The following LIG3 variants were observed in gnomAD, a reference collection of about 807,000 sequenced individuals.
LIG3 encodes ligase II, DNA, ATP-dependent.
In LIG3, 58 loss-of-function variants were observed where a neutral mutation model predicts 110.9. That is an observed-to-expected ratio of 0.52 (90% CI 0.42 to 0.65). LIG3 has a LOEUF of 0.65. Among genes scored for constraint, LIG3 ranks in the 30% least tolerant of loss-of-function variants. The probability of loss-of-function intolerance (pLI) is 0.00; values close to 1 mark genes in which losing one functional copy is unlikely to be tolerated. For synonymous variants in LIG3, 422 were observed against 472.8 expected (o/e 0.89, Z 1.39); for missense variants, 1,094 against 1,273.8 (o/e 0.86, Z 2.15).
chr17:34,990,237 C>T (rs944520827), intron 4 of LIG3, among the ~76,000 whole-genome samples: 17 of 152,150 alleles, frequency 1.1e-4, no homozygotes, highest in African/African-American at 3.4e-4. Context: ...GCATGGGCAG[C>T]GATATATAGA....
Position 34,996,105 on chromosome 17 carries a change from G to A in LIG3, c.1653G>A (p.Gly551=). 1 of 1,614,108 alleles carries A rather than the reference G, an allele frequency of 6.2e-7. No homozygotes were observed. The highest frequency in any genetic ancestry group is 8.5e-7 in the Non-Finnish European group (1 of 1,180,002). ...ACTACATTCCCCAGGCTTTTCCTGGGGGCCACAGCATGATCTTGGATTCTG... is the reference window on the plus strand; with the variant it reads ...ACTACATTCCCCAGGCTTTTCCTGGAGGCCACAGCATGATCTTGGATTCTG... ...FKDYIPQAFP[G]GHSMILDSEV... Residue 551 remains glycine, a synonymous_variant, in exon 10 of 20, where the codon GGG becomes GGA. Coordinates refer to ENST00000378526, the MANE Select transcript of LIG3 (RefSeq NM_013975.4).
intron 5 of LIG3, 144 bp from the exon 6 acceptor site, chr17:34,991,527 T>C (rs1347688998): frequency 2.7e-6 from 2 of 743,884 alleles, no homozygotes; most frequent in East Asian, 2.6e-5. Flanking sequence ...GATGGGCTAG[T>C]GTCTCTAAGA....
At chr17:34,999,252 G>A in intron 14 of LIG3, 55 bp from the exon 15 acceptor site, 2 of 1,566,228 alleles carry the variant, frequency 1.3e-6, no homozygotes, top group Non-Finnish European at 1.7e-6. Context: ...CTGGGCTCTT[G>A]GGACTGGCAG....
Position 35,004,432 on chromosome 17 carries a change from C to G in LIG3, c.2956C>G (p.Pro986Ala). Residue 986 changes from proline to alanine, a missense_variant, in exon 20 of 20, where the codon CCT becomes GCT. Physicochemically the swap from Pro to Ala is conservative, Grantham distance 27 (BLOSUM62 -1). Coordinates refer to ENST00000378526, the MANE Select transcript of LIG3 (RefSeq NM_013975.4). ...THVLGSRDKN[P>A]AAQQVSPEWI... is the part of the protein sequence containing the mutation. The stretch of plus-strand genomic sequence containing the variant: ...CGTGCTGGGTAGCAGGGACAAGAAC[C>G]CTGCGGCCCAGCAGGTCTCCCCAGA... 1.9e-6 allele frequency: 3 copies of G among 1,614,162 alleles called. No homozygotes were observed. The highest frequency in any genetic ancestry group is 2.5e-6 in the Non-Finnish European group (3 of 1,180,032).
At chr17:35,010,068 TG>T (rs2090926511), downstream of LIG3, 3 of 152,176 alleles carry the variant, frequency 2.0e-5, no homozygotes, top group South Asian at 6.2e-4. Flanking sequence ...AGTGGCCCAG[TG>T]TTCAGTTGAC....
At chr17:35,001,511 C>T in intron 17 of LIG3, 108 bp downstream of exon 17, 1 of 1,204,934 alleles carries the variant, frequency 8.3e-7, no homozygotes, top group South Asian at 1.4e-5. Flanking sequence ...TTCCCCCATT[C>T]TCCTGAGGCA....
intron 19 of LIG3, chr17:35,003,202 C>T (rs973748283): frequency 1.3e-5 from 20 of 1,483,828 alleles, no homozygotes; most frequent in Middle Eastern, 1.9e-4. Flanking sequence ...AGCAGCGAGT[C>T]GGGGAGAGGG....
At chr17:34,991,925 C>T (rs2090725583) in intron 6 of LIG3, 33 bp from the exon 7 acceptor site, 1 of 1,613,690 alleles carries the variant, frequency 6.2e-7, no homozygotes, top group African/African-American at 1.3e-5. Flanking sequence ...CAGAGCTCTT[C>T]AAGACCAAGT....
intron 5 of LIG3, 104 bp downstream of exon 5, chr17:34,991,218 T>TCAGTTTCC: frequency 8.8e-7 from 1 of 1,135,810 alleles, no homozygotes; most frequent in Non-Finnish European, 1.3e-6. Context: ...ACATACTGTT[T>TCAGTTTCC]TAGGAAACTG....
In LIG3 at chr17:35,007,421, CCAG is replaced by C. The variant is rs1357287053; in HGVS notation, c.*2919_*2921del. Reference sequence around the variant, plus strand: ...CTCAACATCATCATCATAAATCTCTCCAGCAGAATGCTGGAGGCCTCCCTCTTC... The same window carrying C: ...CTCAACATCATCATCATAAATCTCTCCAGAATGCTGGAGGCCTCCCTCTTC... On this transcript the variant is annotated 3_prime_UTR_variant, in exon 20 of 20. Transcript: ENST00000378526. 1 of 152,260 alleles carries C rather than the reference CCAG, an allele frequency of 6.6e-6. No homozygotes were observed. The highest frequency in any genetic ancestry group is 1.5e-5 in the Non-Finnish European group (1 of 68,082). 9.4% of individuals were successfully genotyped at this position (152,260 alleles called of 1,614,324 possible).
In LIG3 at chr17:34,991,109, G is replaced by C; in HGVS notation, c.1036G>C (p.Glu346Gln). 6.2e-7 allele frequency: 1 copy of C among 1,614,108 alleles called. No individual in the cohort carries two copies. The highest frequency in any genetic ancestry group is 1.1e-5 in the South Asian group (1 of 91,076). The change falls in exon 5 of 20, where the codon GAG becomes CAG. Residue 346 changes from glutamate to glutamine, a missense_variant. Coordinates refer to ENST00000378526, the MANE Select transcript of LIG3 (RefSeq NM_013975.4). ...CNPDDMARDLEQGDVSETIRV... is the reference protein window; with the variant it reads ...CNPDDMARDLQQGDVSETIRV... Reference sequence around the variant, plus strand: ...CCCAGATGATATGGCACGGGACCTAGAGCAGGTCAGAGGAACGGGAGGGAG... The same window carrying C: ...CCCAGATGATATGGCACGGGACCTACAGCAGGTCAGAGGAACGGGAGGGAG...
At chr17:34,983,914 A>G (rs750943858) in intron 2 of LIG3, among the ~76,000 whole-genome samples, 31 of 152,274 alleles carry the variant, frequency 2.0e-4, no homozygotes, top group Middle Eastern at 3.4e-3. Context: ...ATTTTACTCT[A>G]TTTGCTTTAT....
chr17:34,994,201 T>C, intron 8 of LIG3, 75 bp from the exon 9 acceptor site: 1 of 1,461,564 alleles, frequency 6.8e-7, no homozygotes, highest in Non-Finnish European at 9.3e-7. Flanking sequence ...ACTAACCCAG[T>C]TGCAAGGTCT....
At position 35,009,716 on chromosome 17, in the gene LIG3, C is replaced by G. The variant is rs373138355; in HGVS notation, c.*5210C>G. ...TTTTAATTCTTACTGAGGTTACTAA[C>G]CAGCTATCAGTATATTATTTTCGAT... On this transcript the variant is annotated 3_prime_UTR_variant, in exon 20 of 20. Coordinates refer to ENST00000378526, the MANE Select transcript of LIG3 (RefSeq NM_013975.4). The G allele has an allele frequency of 2.0e-4, 30 of 152,228 alleles. No homozygotes were observed. The highest frequency in any genetic ancestry group is 6.7e-4 in the African/African-American group (28 of 41,504). 9.4% of individuals were successfully genotyped at this position (152,228 alleles called of 1,614,324 possible).
At chr17:34,998,451 T>C (rs1179113981) in intron 13 of LIG3, among the ~76,000 whole-genome samples, 153 bp from the exon 14 acceptor site, 1 of 152,184 alleles carries the variant, frequency 6.6e-6, no homozygotes, top group Non-Finnish European at 1.5e-5. Context: ...TCTGGAGGAC[T>C]GCTTTGTGTG....
chr17:35,004,246 C>T (rs377518711), intron 19 of LIG3, 27 bp from the exon 20 acceptor site: 3 of 1,584,014 alleles, frequency 1.9e-6, no homozygotes, highest in Admixed American at 1.7e-5. Context: ...TAGGTCTGAC[C>T]CCACCCTGAC....
Position 35,002,736 on chromosome 17 carries a change from G to A in LIG3, c.2743G>A (p.Val915Met). 11 of 1,612,894 alleles carry A rather than the reference G, an allele frequency of 6.8e-6. No individual in the cohort carries two copies. The highest frequency in any genetic ancestry group is 1.3e-5 in the African/African-American group (1 of 75,026). ...GEKLATKSSPVKVGEKRKAAD... is the reference protein window; with the variant it reads ...GEKLATKSSPMKVGEKRKAAD... ...GAAGCTGGCCACAAAGTCTTCTCCAGTGAAAGTAGGGGAGAAGCGGAAAGC... is the reference window on the plus strand; with the variant it reads ...GAAGCTGGCCACAAAGTCTTCTCCAATGAAAGTAGGGGAGAAGCGGAAAGC... Residue 915 changes from valine (V) to methionine (M), a missense_variant, in exon 19 of 20, where the codon GTG (valine) becomes ATG (methionine). By Grantham distance (21) the Val-to-Met change is conservative. Transcript: ENST00000378526.
chr17:35,004,784 T>G lies in LIG3; in HGVS notation c.*278T>G, dbSNP rs1172681736. ...AAAAGCAGCTTAGTTACCCTTTTTA[T>G]AAATAAAATATCTTGCAGTTATCTT... On this transcript the variant is annotated 3_prime_UTR_variant, in exon 20 of 20. Coordinates refer to ENST00000378526, the MANE Select transcript of LIG3 (RefSeq NM_013975.4). 6 of 417,272 alleles carry G rather than the reference T, an allele frequency of 1.4e-5. No individual in the cohort carries two copies. Among genetic ancestry groups the G allele is most frequent in the Non-Finnish European group, 2.6e-5 (6 of 231,148 alleles). The allele number at this position is 417,272 out of a possible 1,614,324, so 25.8% of individuals were successfully genotyped here.
At chr17:34,994,159 C>A in intron 8 of LIG3, 117 bp from the exon 9 acceptor site, 4 of 856,498 alleles carry the variant, frequency 4.7e-6, no homozygotes, top group South Asian at 1.8e-5. Flanking sequence ...TAATTGTGGG[C>A]AGTCAGTCCC....
Sources: gnomAD v4.1 joint callset for allele counts (sites outside exome capture counted in the v4.1 genomes callset) on GRCh38, gnomAD v4.1.1 for gene constraint, MANE v1.5 for transcripts, NCBI Gene and HGNC (gene_info 2026-07-23, HGNC 2026-07-21) for gene names.